Variants in PTPRR observed in about 807,000 individuals in gnomAD.
PTPRR encodes the protein protein tyrosine phosphatase receptor type R.
Under a neutral mutation model 77.2 loss-of-function variants are expected in PTPRR, and 38 were observed. The observed-to-expected ratio is 0.49, with a 90% confidence interval of 0.38 to 0.65. PTPRR has a LOEUF of 0.65. PTPRR is among the 30% of genes least tolerant of loss of function. PTPRR has a pLI of 0.00. For synonymous variants in PTPRR, 299 were observed against 283.1 expected (o/e 1.06, Z -0.57); for missense variants, 744 against 799.2 (o/e 0.93, Z 0.83).
At chr12:70,833,621 A>C (rs953748071) in intron 2 of PTPRR, among the ~76,000 whole-genome samples, 1 of 152,210 alleles carries the variant, frequency 6.6e-6, no homozygotes, top group African/African-American at 2.4e-5. Flanking sequence ...TGTTCCTCAG[A>C]GACTTAAATC....
intron 10 of PTPRR, chr12:70,672,547 T>C: frequency 7.5e-7 from 1 of 1,334,950 alleles, no homozygotes; most frequent in Non-Finnish European, 1.1e-6. Context: ...GGGAAAAACC[T>C]TCAACACCTT....
intron 2 of PTPRR, among the ~76,000 whole-genome samples, chr12:70,779,621 G>C (rs1891160666): frequency 6.6e-6 from 1 of 152,110 alleles, no homozygotes; most frequent in Admixed American, 6.6e-5. Flanking sequence ...GGGCTCCATT[G>C]GTGCGGGTCC....
In PTPRR at chr12:70,839,555, A is replaced by T. The variant is rs1892360771; in HGVS notation, c.357+53124T>A. Among the ~76,000 whole-genome samples the T allele has an allele frequency of 2.0e-5, 3 of 152,234 alleles. No homozygotes were observed. The South Asian group carries it at 6.2e-4, about 31-fold the overall frequency. On this transcript the variant is annotated intron_variant, in intron 2 of 13. Transcript: ENST00000283228. ...TGTGTCAGCATTGGTTTAGTTAATTAAAGTTAAGGAGGATAAAACATTCTA... is the reference window on the plus strand; with the variant it reads ...TGTGTCAGCATTGGTTTAGTTAATTTAAGTTAAGGAGGATAAAACATTCTA...
In PTPRR at chr12:70,689,541, T is replaced by C. The variant is rs566181373; in HGVS notation, c.1280-4758A>G. On this transcript the variant is annotated intron_variant, in intron 8 of 13. Coordinates refer to ENST00000283228, the MANE Select transcript of PTPRR (RefSeq NM_002849.4). The stretch of plus-strand genomic sequence containing the variant: ...ACACCTGTGGAGCTGAATTTTAACA[T>C]TGAGAGTGAAATTATTCCATTGTTT... 2.6e-5 allele frequency among the ~76,000 whole-genome samples: 4 copies of C among 152,282 alleles called. No individual in the cohort carries two copies. In the South Asian group the frequency reaches 8.3e-4, roughly 32 times the overall value.
chr12:70,666,946 T>C (rs1444433199), intron 10 of PTPRR, among the ~76,000 whole-genome samples: 1 of 79,820 alleles, frequency 1.3e-5, no homozygotes, highest in African/African-American at 5.0e-5. Flanking sequence ...TTTTTTTTTT[T>C]TTTTTTTTTT....
chr12:70,874,784 TG>T (rs1270826452), intron 2 of PTPRR, among the ~76,000 whole-genome samples: 2 of 151,864 alleles, frequency 1.3e-5, no homozygotes, highest in African/African-American at 4.8e-5. Flanking sequence ...TAGCTGGGCG[TG>T]GTGGCGTGCA....
chr12:70,709,755 TA>T (rs1234216553), intron 6 of PTPRR, among the ~76,000 whole-genome samples: 1 of 151,930 alleles, frequency 6.6e-6, no homozygotes, highest in East Asian at 1.9e-4. Flanking sequence ...CCCAAAAGGA[TA>T]AAATACCTAG....
At chr12:70,815,510 C>T (rs553216140) in intron 2 of PTPRR, among the ~76,000 whole-genome samples, 1 of 152,018 alleles carries the variant, frequency 6.6e-6, no homozygotes, top group Admixed American at 6.5e-5. Context: ...ACCTGATATA[C>T]CGAACGGTTT....
chr12:70,819,928 C>T (rs1180495919), intron 2 of PTPRR, among the ~76,000 whole-genome samples: 1 of 152,054 alleles, frequency 6.6e-6, no homozygotes, highest in African/African-American at 2.4e-5. Flanking sequence ...TTATGACAAT[C>T]TAATTTTATG....
At chr12:70,856,718 T>C (rs566171382) in intron 2 of PTPRR, among the ~76,000 whole-genome samples, 39 of 150,012 alleles carry the variant, frequency 2.6e-4, no homozygotes, top group Non-Finnish European at 4.9e-4. Context: ...ATTGCAGTTA[T>C]GATGGCGAAG....
chr12:70,652,000 C>T (rs905118786), intron 13 of PTPRR, among the ~76,000 whole-genome samples: 3 of 152,012 alleles, frequency 2.0e-5, no homozygotes, highest in African/African-American at 7.3e-5. Context: ...GGTGAAGAGT[C>T]CATGATTAAA....
intron 9 of PTPRR, among the ~76,000 whole-genome samples, chr12:70,684,483 A>G (rs1349767800): frequency 1.3e-5 from 2 of 152,168 alleles, no homozygotes; most frequent in Admixed American, 6.5e-5. Flanking sequence ...CCAGCAGAGT[A>G]CCCATATAGA....
At chr12:70,758,117 T>C (rs1513097) in intron 4 of PTPRR, among the ~76,000 whole-genome samples, 58,912 of 152,142 alleles carry the variant, frequency 0.39, 12,810 homozygotes, top group African/African-American at 0.58. Flanking sequence ...ATAATCCCTC[T>C]GTCCTTCATG....
chr12:70,761,566 C>G lies in PTPRR; in HGVS notation c.532G>C (p.Asp178His), dbSNP rs1244550355. 1.2e-6 allele frequency: 2 copies of G among 1,612,050 alleles called. No individual in the cohort carries two copies. The highest frequency in any genetic ancestry group is 2.2e-5 in the South Asian group (2 of 90,808). ...SPINRKTGISDALPSEEVLRS... is the reference protein window; with the variant it reads ...SPINRKTGISHALPSEEVLRS... ...AGAACTTCCTCAGAGGGCAGAGCATCAGAAATTCCTGTTTTTCGGTTTATG... is the reference window on the plus strand; with the variant it reads ...AGAACTTCCTCAGAGGGCAGAGCATGAGAAATTCCTGTTTTTCGGTTTATG... Residue 178 changes from aspartate to histidine, a missense_variant, in exon 4 of 14, where the codon GAT (aspartate) becomes CAT (histidine). Physicochemically the swap from Asp to His is moderately conservative, Grantham distance 81. Around this residue, in one of 3 missense-constraint regions of PTPRR, gnomAD observed 570 missense variants for 573.2 expected, o/e 0.99. Transcript: ENST00000283228.
chr12:70,878,924 A>G (rs960013061), intron 2 of PTPRR, among the ~76,000 whole-genome samples: 2 of 152,216 alleles, frequency 1.3e-5, no homozygotes, highest in African/African-American at 4.8e-5. Context: ...ATGCAGCCAT[A>G]AAAAAGGATG....
chr12:70,830,385 A>G (rs1029063594), intron 2 of PTPRR, among the ~76,000 whole-genome samples: 1 of 152,178 alleles, frequency 6.6e-6, no homozygotes. Context: ...CTGCCATAAT[A>G]GGCACTCAAT....
In PTPRR at chr12:70,701,267, G is replaced by C; in HGVS notation, c.1064C>G (p.Pro355Arg). The change falls in exon 7 of 14, where the codon CCC becomes CGC. Residue 355 changes from proline to arginine, a missense_variant. Pro to Arg is a moderately radical substitution (Grantham distance 103). Around this residue, in one of 3 missense-constraint regions of PTPRR, gnomAD observed 570 missense variants for 573.2 expected, o/e 0.99. Transcript: ENST00000283228. ...LDMSSLGNIE[P>R]FVSIPTPREK... ...CCGTGGTGTTGGTATAGACACAAAG[G>C]GTTCAATGTTCCCCAAGCTACTCAT... 2 of 1,613,832 alleles carry C rather than the reference G, an allele frequency of 1.2e-6. No homozygotes were observed. Among genetic ancestry groups the C allele is most frequent in the Non-Finnish European group, 1.7e-6 (2 of 1,179,896 alleles).
At chr12:70,798,661 T>C (rs558742862) in intron 2 of PTPRR, among the ~76,000 whole-genome samples, 2 of 152,314 alleles carry the variant, frequency 1.3e-5, no homozygotes, top group African/African-American at 4.8e-5. Flanking sequence ...AATCTTGAAA[T>C]GCTGCTTACT....
Position 70,660,947 on chromosome 12 carries a change from G to A in PTPRR, c.1759C>T (p.His587Tyr). 1 of 1,612,854 alleles carries A rather than the reference G, an allele frequency of 6.2e-7. No individual in the cohort carries two copies. Among genetic ancestry groups the A allele is most frequent in the Non-Finnish European group, 8.5e-7 (1 of 1,179,480 alleles). Residue 587 changes from histidine to tyrosine, a missense_variant, in exon 12 of 14, where the codon CAC becomes TAC. This residue lies in a region of PTPRR where 170 missense variants were observed against 209.8 expected (regional missense o/e 0.81). Transcript: ENST00000283228. Reference protein sequence around the residue: ...ASQGRGPVVVHCSAGIGRTGC... With the variant: ...ASQGRGPVVVYCSAGIGRTGC... ...GGACCATACACGTCTTACCTGCAGTGGACAACCACAGGCCCTCGGCCCTGG... is the reference window on the plus strand; with the variant it reads ...GGACCATACACGTCTTACCTGCAGTAGACAACCACAGGCCCTCGGCCCTGG...
Sources: gnomAD v4.1 joint callset for allele counts (sites outside exome capture counted in the v4.1 genomes callset) on GRCh38, gnomAD v4.1.1 for gene constraint, gnomAD v4.1.1 regional missense constraint, MANE v1.5 for transcripts, NCBI Gene and HGNC (gene_info 2026-07-23, HGNC 2026-07-21) for gene names.